The following MYRFL variants were observed in gnomAD, a reference collection of about 807,000 sequenced individuals.
MYRFL encodes the protein myelin regulatory factor-like protein.
A neutral mutation model predicts 109.4 loss-of-function variants in MYRFL; 88 were observed. That is an observed-to-expected ratio of 0.80 (90% CI 0.68 to 0.96). MYRFL has a LOEUF of 0.96. Ranked by LOEUF, MYRFL falls within the 40% of genes least tolerant of loss-of-function variation. The pLI, the probability that MYRFL is intolerant of heterozygous loss-of-function variation, is 0.00. For missense variants in MYRFL, 957 were observed against 954.9 expected (o/e 1.00, Z -0.03); for synonymous variants, 324 against 320.9 (o/e 1.01, Z -0.10).
At chr12:69,915,432 A>C (rs904488246) in intron 13 of MYRFL, among the ~76,000 whole-genome samples, 1 of 152,176 alleles carries the variant, frequency 6.6e-6, no homozygotes, top group African/African-American at 2.4e-5. Context: ...AAATGTTGAA[A>C]TATTGCCTCC....
chr12:69,891,637 T>TTTCTTTCTTTCCTTCTTTCTTTC (rs1566002318), intron 7 of MYRFL, among the ~76,000 whole-genome samples: 1 of 53,788 alleles, frequency 1.9e-5, no homozygotes, highest in African/African-American at 5.7e-5. Flanking sequence ...CTTCCTTTCT[T>TTTCTTTCTTTCCTTCTTTCTTTC]TTTCTTTCTT....
At chr12:69,865,373 T>G (rs1884956296) in intron 2 of MYRFL, among the ~76,000 whole-genome samples, 2 of 152,192 alleles carry the variant, frequency 1.3e-5, no homozygotes, top group African/African-American at 4.8e-5. Flanking sequence ...GTAGCATTGC[T>G]TCTTCCAAGG....
At chr12:69,875,588 A>G (rs1885610889) in intron 2 of MYRFL, among the ~76,000 whole-genome samples, 1 of 152,208 alleles carries the variant, frequency 6.6e-6, no homozygotes, top group Non-Finnish European at 1.5e-5. Context: ...ATGGCCTGAT[A>G]GGAACCTGGC....
At chr12:69,851,417 A>AT (rs1240639165) in intron 1 of MYRFL, among the ~76,000 whole-genome samples, 2 of 152,182 alleles carry the variant, frequency 1.3e-5, no homozygotes, top group African/African-American at 4.8e-5. Context: ...TTTGTTTTTC[A>AT]TTTTTTGTAT....
intron 9 of MYRFL, among the ~76,000 whole-genome samples, chr12:69,896,291 T>A (rs943288313): frequency 2.0e-5 from 3 of 152,204 alleles, no homozygotes; most frequent in African/African-American, 7.2e-5. Flanking sequence ...GCCCGGTATA[T>A]GACACACTGA....
intron 21 of MYRFL, among the ~76,000 whole-genome samples, chr12:69,954,318 G>C (rs928156566): frequency 6.6e-6 from 1 of 152,174 alleles, no homozygotes; most frequent in Non-Finnish European, 1.5e-5. Context: ...GACATCTTAG[G>C]AAATGCATTC....
In MYRFL at chr12:69,929,414, A is replaced by C. The variant is rs543635286; in HGVS notation, c.1830+1666A>C. On this transcript the variant is annotated intron_variant, in intron 15 of 24. Transcript: ENST00000552032. Reference sequence around the variant, plus strand: ...TGTCAGCAATGCTGCAGAGGCTCAGAGTGCCAGGAGGTTTATGAGAGTTGA... The same window carrying C: ...TGTCAGCAATGCTGCAGAGGCTCAGCGTGCCAGGAGGTTTATGAGAGTTGA... Among the ~76,000 whole-genome samples, 193 of 152,340 alleles carry C rather than the reference A, an allele frequency of 1.3e-3. 2 individuals carry two copies. The highest frequency in any genetic ancestry group is 6.8e-3 in the Middle Eastern group (2 of 294).
intron 1 of MYRFL, among the ~76,000 whole-genome samples, chr12:69,842,605 G>A (rs1231324872): frequency 6.6e-6 from 1 of 152,198 alleles, no homozygotes; most frequent in Non-Finnish European, 1.5e-5. Context: ...GGAATGGTGT[G>A]GCCCTCAGTC....
intron 14 of MYRFL, 131 bp from the exon 15 acceptor site, chr12:69,927,554 C>G (rs1220083869): frequency 3.1e-6 from 2 of 643,428 alleles, no homozygotes; most frequent in African/African-American, 1.8e-5. Context: ...ATTGCCATGA[C>G]TTTTTGTTTT....
At chr12:69,878,583 G>A (rs1286743369) in intron 2 of MYRFL, among the ~76,000 whole-genome samples, 7 of 152,098 alleles carry the variant, frequency 4.6e-5, no homozygotes, top group African/African-American at 1.7e-4. Context: ...CAGTGCCATT[G>A]GGATATCTGT....
intron 16 of MYRFL, among the ~76,000 whole-genome samples, chr12:69,934,069 G>A (rs1320164634): frequency 6.6e-6 from 1 of 152,168 alleles, no homozygotes; most frequent in Non-Finnish European, 1.5e-5. Flanking sequence ...GGCAGATGCT[G>A]GACACAAATC....
chr12:69,826,234 A>G (rs961513588), intron 1 of MYRFL, among the ~76,000 whole-genome samples: 1 of 152,036 alleles, frequency 6.6e-6, no homozygotes, highest in Non-Finnish European at 1.5e-5. Flanking sequence ...GTTTTTCCAG[A>G]AATGGCAAGA....
intron 10 of MYRFL, among the ~76,000 whole-genome samples, chr12:69,901,883 G>GGTTT (rs1566012005): frequency 4.0e-5 from 3 of 75,336 alleles, no homozygotes; most frequent in Non-Finnish European, 9.3e-5. Flanking sequence ...TTTCACTGCT[G>GGTTT]TTTTTTTTTG....
chr12:69,835,400 G>A (rs149353817), intron 1 of MYRFL, among the ~76,000 whole-genome samples: 135 of 152,174 alleles, frequency 8.9e-4, no homozygotes, highest in Middle Eastern at 3.4e-3. Flanking sequence ...TAATCCAGAA[G>A]GATATATTAC....
chr12:69,915,086 T>C (rs771920359), intron 13 of MYRFL, among the ~76,000 whole-genome samples: 3 of 152,204 alleles, frequency 2.0e-5, no homozygotes, highest in Non-Finnish European at 4.4e-5. Flanking sequence ...ACAGAGCATC[T>C]CCTTTTTCTT....
chr12:69,915,042 G>A (rs1954690478), intron 13 of MYRFL, among the ~76,000 whole-genome samples: 1 of 152,304 alleles, frequency 6.6e-6, no homozygotes, highest in Admixed American at 6.5e-5. Flanking sequence ...CCCTCAACAC[G>A]GTGGGCTATC....
intron 1 of MYRFL, among the ~76,000 whole-genome samples, chr12:69,851,297 T>C (rs909444939): frequency 1.3e-5 from 2 of 152,222 alleles, no homozygotes; most frequent in African/African-American, 4.8e-5. Flanking sequence ...CATCATGCAA[T>C]ATACTTATGG....
intron 19 of MYRFL, among the ~76,000 whole-genome samples, chr12:69,939,215 G>C (rs1445652613): frequency 2.4e-4 from 36 of 152,330 alleles, no homozygotes; most frequent in African/African-American, 7.2e-4. Context: ...CTGCCTGCCT[G>C]TGTAGGCTCC....
rs11833371 is a variant in MYRFL at position 69,872,432 on chromosome 12, T to A, written c.138-6596T>A. 4.3e-3 allele frequency among the ~76,000 whole-genome samples: 658 copies of A among 152,248 alleles called. 3 individuals are homozygous for A. Among genetic ancestry groups the A allele is most frequent in the African/African-American group, 0.015 (616 of 41,534 alleles). ...TCAAATTTCTGGGCTCAAGTGATCC[T>A]CCTGCCTCACCCTCCTGAATAGCTG... On this transcript the variant is annotated intron_variant, in intron 2 of 24. Transcript: ENST00000552032.
Sources: gnomAD v4.1 joint callset for allele counts (sites outside exome capture counted in the v4.1 genomes callset) on GRCh38, gnomAD v4.1.1 for gene constraint, MANE v1.5 for transcripts, NCBI Gene and HGNC (gene_info 2026-07-23, HGNC 2026-07-21) for gene names.